SAMD4B: variants seen among roughly 807,000 people sequenced by gnomAD.
The protein encoded by SAMD4B is protein Smaug homolog 2.
In SAMD4B, 5 loss-of-function variants were observed where a neutral mutation model predicts 74.5. That is an observed-to-expected ratio of 0.07 (90% CI 0.04 to 0.14). The LOEUF is 0.14. Among genes scored for constraint, SAMD4B ranks in the 10% least tolerant of loss-of-function variants. The pLI is 1.00. For missense variants in SAMD4B, 608 were observed against 921.8 expected (o/e 0.66, Z 4.41); for synonymous variants, 373 against 374.9 (o/e 1.00, Z 0.06).
At chr19:39,348,572 G>C (rs1268969089) in intron 1 of SAMD4B, among the ~76,000 whole-genome samples, 2 of 152,218 alleles carry the variant, frequency 1.3e-5, no homozygotes, top group East Asian at 3.8e-4. Flanking sequence ...ACAGAAGCCA[G>C]ATTACTTGCA....
At chr19:39,366,938 C>T (rs1411136288) in intron 3 of SAMD4B, among the ~76,000 whole-genome samples, 2 of 152,126 alleles carry the variant, frequency 1.3e-5, no homozygotes, top group Non-Finnish European at 2.9e-5. Context: ...TTTAGAATCT[C>T]TGTGTGTATC....
At chr19:39,360,923 G>A (rs1172639871) in intron 3 of SAMD4B, among the ~76,000 whole-genome samples, 2 of 152,152 alleles carry the variant, frequency 1.3e-5, no homozygotes, top group Non-Finnish European at 2.9e-5. Flanking sequence ...ACCAGGCAGT[G>A]TGAGAGGTGA....
downstream of SAMD4B, chr19:39,389,385 T>C (rs1047498838): frequency 6.2e-7 from 1 of 1,614,092 alleles, no homozygotes; most frequent in Non-Finnish European, 8.5e-7. This position sits in a 1 kb window ranked among gnomAD's most constrained non-coding sequence, Gnocchi z 5.3. Flanking sequence ...TGCTGGGATC[T>C]GGGGTGGGAA....
chr19:39,353,716 C>T (rs2076184850), intron 1 of SAMD4B, among the ~76,000 whole-genome samples: 1 of 152,150 alleles, frequency 6.6e-6, no homozygotes, highest in South Asian at 2.1e-4. Context: ...TTTCTCCTGC[C>T]TCAGCTTCCC....
chr19:39,376,924 C>G, intron 7 of SAMD4B, 133 bp downstream of exon 7: 2 of 672,446 alleles, frequency 3.0e-6, no homozygotes. Flanking sequence ...ACCCAGACTT[C>G]AGGGACCACA....
intron 11 of SAMD4B, 37 bp downstream of exon 11, chr19:39,380,822 G>T (rs1232066406): frequency 1.3e-6 from 2 of 1,512,582 alleles, no homozygotes; most frequent in South Asian, 2.6e-5. Context: ...GCCTCCTGGG[G>T]TTGGGGTGGC....
In SAMD4B at chr19:39,383,856, C is replaced by T; in HGVS notation, c.*329C>T. The T allele has an allele frequency of 1.4e-6, 1 of 738,860 alleles. No individual in the cohort carries two copies. The highest frequency in any genetic ancestry group is 2.2e-6 in the Non-Finnish European group (1 of 454,694). The allele number at this position is 738,860 out of a possible 1,614,324, so 45.8% of individuals were successfully genotyped here. A position where few individuals can be genotyped will look rare whatever the true frequency, so the allele number is the denominator to read the frequency against. On this transcript the variant is annotated 3_prime_UTR_variant, in exon 14 of 14. Transcript: ENST00000610417. The surrounding 1 kb of genome is among the most constrained non-coding windows in gnomAD (Gnocchi z 4.1). ...CCCCTGCCTCCTCCAGACCGCTGAC[C>T]ACCTGCCTCTCCCCAAGGGAGCAGA...
At chr19:39,353,345 T>G (rs2076158607) in intron 1 of SAMD4B, among the ~76,000 whole-genome samples, 1 of 152,210 alleles carries the variant, frequency 6.6e-6, no homozygotes, top group Non-Finnish European at 1.5e-5. Flanking sequence ...ACTAGTGAAG[T>G]AGTACAAAGT....
In SAMD4B at chr19:39,383,159, C is replaced by G. The variant is rs1331096875; in HGVS notation, c.1973-49C>G. 8 of 1,460,662 alleles carry G rather than the reference C, an allele frequency of 5.5e-6. No individual in the cohort carries two copies. The highest frequency in any genetic ancestry group is 7.7e-6 in the Non-Finnish European group (8 of 1,040,106). 90.5% of individuals were successfully genotyped at this position (1,460,662 alleles called of 1,614,324 possible). A position where few individuals can be genotyped will look rare whatever the true frequency, so the allele number is the denominator to read the frequency against. On this transcript the variant is annotated intron_variant, in intron 12 of 13. Coordinates refer to ENST00000610417, the MANE Select transcript of SAMD4B (RefSeq NM_001384574.2). This position sits in a 1 kb window ranked among gnomAD's most constrained non-coding sequence, Gnocchi z 4.1. ...CCTTTGTCATCCCAGCTGTCTTCACCTGAGTCCAGTTGGTCCTTACCACCC... is the reference window on the plus strand; with the variant it reads ...CCTTTGTCATCCCAGCTGTCTTCACGTGAGTCCAGTTGGTCCTTACCACCC...
chr19:39,366,600 A>G (rs2076975463), intron 3 of SAMD4B, among the ~76,000 whole-genome samples: 1 of 152,252 alleles, frequency 6.6e-6, no homozygotes, highest in African/African-American at 2.4e-5. Context: ...TCCTAAGGCT[A>G]CAAACTTAAG....
Position 39,380,744 on chromosome 19 carries a change from C to T in SAMD4B, c.1807C>T (p.His603Tyr). Residue 603 changes from histidine to tyrosine, a missense_variant, in exon 11 of 14, where the codon CAT (histidine) becomes TAT (tyrosine). Coordinates refer to ENST00000610417, the MANE Select transcript of SAMD4B (RefSeq NM_001384574.2). ...PSGIGGVSPRHALTSPSLGGQ... is the reference protein window; with the variant it reads ...PSGIGGVSPRYALTSPSLGGQ... Reference sequence around the variant, plus strand: ...GGGCATTGGGGGTGTCTCCCCTCGACATGCCCTCACCAGCCCCAGCCTTGG... The same window carrying T: ...GGGCATTGGGGGTGTCTCCCCTCGATATGCCCTCACCAGCCCCAGCCTTGG... The T allele has an allele frequency of 6.3e-7, 1 of 1,594,188 alleles. No homozygotes were observed.
intron 1 of SAMD4B, among the ~76,000 whole-genome samples, chr19:39,353,622 G>A (rs942518147): frequency 2.0e-5 from 3 of 151,960 alleles, no homozygotes; most frequent in Non-Finnish European, 4.4e-5. Flanking sequence ...TTCTTTTTGA[G>A]ATGGAATCCC....
chr19:39,351,798 A>G (rs1456194338), intron 1 of SAMD4B: 1 of 152,010 alleles, frequency 6.6e-6, no homozygotes, highest in Non-Finnish European at 1.5e-5. Context: ...AACCCTAACC[A>G]AGAACTTATT....
chr19:39,382,414 G>A (rs1209431334), intron 12 of SAMD4B, among the ~76,000 whole-genome samples: 1 of 152,148 alleles, frequency 6.6e-6, no homozygotes, highest in East Asian at 1.9e-4. Flanking sequence ...ATCTGAGACA[G>A]GTCTTGCCCA....
downstream of SAMD4B, chr19:39,386,612 TCTG>T (rs768458935): frequency 2.3e-5 from 37 of 1,610,306 alleles, no homozygotes; most frequent in Non-Finnish European, 2.8e-5. The surrounding 1 kb of genome is among the most constrained non-coding windows in gnomAD (Gnocchi z 6.1). Context: ...AGGAGGGTGT[TCTG>T]CTGGGTTTTT....
chr19:39,375,983 C>G lies in SAMD4B; in HGVS notation c.907+94C>G. ...AGCTTGTAGCTGACACCTGCTTACC[C>G]CTCTGAGGAGGGGACATGTCTGAGG... On this transcript the variant is annotated intron_variant, in intron 5 of 13. Transcript: ENST00000610417. This position sits in a 1 kb window ranked among gnomAD's most constrained non-coding sequence, Gnocchi z 4.1. The G allele has an allele frequency of 1.3e-6, 2 of 1,504,924 alleles. No homozygotes were observed. The highest frequency in any genetic ancestry group is 1.8e-6 in the Non-Finnish European group (2 of 1,120,250). 93.2% of individuals were successfully genotyped at this position (1,504,924 alleles called of 1,614,324 possible).
At chr19:39,364,986 T>A (rs1271579023) in intron 3 of SAMD4B, among the ~76,000 whole-genome samples, 2 of 152,000 alleles carry the variant, frequency 1.3e-5, no homozygotes, top group Non-Finnish European at 2.9e-5. Context: ...ACACCTGGAA[T>A]CCCAGCACTT....
chr19:39,379,903 C>T, intron 9 of SAMD4B, 63 bp from the exon 10 acceptor site: 1 of 1,342,792 alleles, frequency 7.4e-7, no homozygotes, highest in Non-Finnish European at 1.1e-6. Context: ...GAATGGAAGA[C>T]TGGAAGGGAG....
At chr19:39,388,354 T>C, downstream of SAMD4B, 1 of 1,614,060 alleles carries the variant, frequency 6.2e-7, no homozygotes, top group African/African-American at 1.3e-5. Flanking sequence ...TTCCAACTCA[T>C]TGTAGTAAAC....
Sources: allele counts gnomAD v4.1 joint callset (sites outside exome capture counted in the v4.1 genomes callset), GRCh38; gene constraint gnomAD v4.1.1; non-coding constraint Gnocchi (gnomAD v3.1); transcripts MANE v1.5; gene names NCBI Gene and HGNC (gene_info 2026-07-23, HGNC 2026-07-21).